HHAT: variants seen among roughly 807,000 people sequenced by gnomAD.
HHAT encodes the protein protein-cysteine N-palmitoyltransferase HHAT.
HHAT carries 47 observed loss-of-function variants against 70.8 expected under a neutral mutation model. The observed-to-expected ratio is 0.66, with a 90% CI of 0.53 to 0.85. HHAT has a LOEUF of 0.85. Among genes scored for constraint, HHAT ranks in the 40% least tolerant of loss-of-function variants. The pLI is 0.00. For missense variants in HHAT, 609 were observed against 604.8 expected (o/e 1.01, Z -0.07); for synonymous variants, 228 against 247.6 (o/e 0.92, Z 0.74).
chr1:210,466,266 A>C (rs982374450), intron 8 of HHAT, among the ~76,000 whole-genome samples: 1 of 152,280 alleles, frequency 6.6e-6, no homozygotes, highest in Admixed American at 6.5e-5. Context: ...AGGTAATGAC[A>C]TTGCAAGGAA....
intron 8 of HHAT, among the ~76,000 whole-genome samples, chr1:210,486,163 C>A (rs1374821757): frequency 1.3e-5 from 2 of 152,134 alleles, no homozygotes; most frequent in African/African-American, 4.8e-5. Flanking sequence ...TCTTTAATAA[C>A]TTCTTACTAC....
At chr1:210,501,837 A>G (rs1343010710) in intron 8 of HHAT, among the ~76,000 whole-genome samples, 1 of 152,174 alleles carries the variant, frequency 6.6e-6, no homozygotes, top group Non-Finnish European at 1.5e-5. Context: ...CACATCAAGA[A>G]CACTGCCTTG....
intron 8 of HHAT, among the ~76,000 whole-genome samples, chr1:210,474,436 G>A (rs2094267119): frequency 6.6e-6 from 1 of 152,176 alleles, no homozygotes; most frequent in Non-Finnish European, 1.5e-5. Context: ...GACTATAGAT[G>A]TGCACCACCA....
intron 8 of HHAT, among the ~76,000 whole-genome samples, chr1:210,505,949 G>T (rs1477125503): frequency 6.6e-6 from 1 of 152,172 alleles, no homozygotes; most frequent in Non-Finnish European, 1.5e-5. Context: ...TGGGAGGAAG[G>T]ACAGTACCCC....
At position 210,537,029 on chromosome 1, in the gene HHAT, T is replaced by TAAA. The variant is rs575562863; in HGVS notation, c.1043+23850_1043+23852dup. Among the ~76,000 whole-genome samples, 441 of 144,242 alleles carry TAAA rather than the reference T, an allele frequency of 3.1e-3. 1 individual carries two copies. The highest frequency in any genetic ancestry group is 0.011 in the African/African-American group (425 of 39,466). 94.6% of individuals were successfully genotyped at this position (144,242 alleles called of 152,430 possible). A position where few individuals can be genotyped will look rare whatever the true frequency, so the allele number is the denominator to read the frequency against. ...TTTGAACTGTACCTAAAAGAAGGTG[T>TAAA]AAAAAAAAAAAGGTGGCTATAGGGC... On this transcript the variant is annotated intron_variant, in intron 9 of 11. Coordinates refer to ENST00000261458, the MANE Select transcript of HHAT (RefSeq NM_018194.6).
chr1:210,629,595 T>G (rs1670467827), intron 11 of HHAT, among the ~76,000 whole-genome samples: 1 of 152,256 alleles, frequency 6.6e-6, no homozygotes, highest in Admixed American at 6.5e-5. Context: ...GAAATCAGTC[T>G]CACTGGGCTA....
intron 11 of HHAT, among the ~76,000 whole-genome samples, chr1:210,670,318 G>A (rs576655638): frequency 6.6e-6 from 1 of 152,342 alleles, no homozygotes; most frequent in Admixed American, 6.5e-5. Flanking sequence ...ACAAGAGAGA[G>A]TCAATGCCTA....
intron 8 of HHAT, among the ~76,000 whole-genome samples, chr1:210,493,465 T>A (rs369351936): frequency 2.5e-4 from 38 of 152,200 alleles, no homozygotes; most frequent in African/African-American, 8.9e-4. Context: ...CCACCCACAT[T>A]ATGGAGGGTA....
At chr1:210,546,934 A>T (rs1234188511) in intron 9 of HHAT, among the ~76,000 whole-genome samples, 1 of 152,180 alleles carries the variant, frequency 6.6e-6, no homozygotes, top group Admixed American at 6.5e-5. Flanking sequence ...GAAGTGACAG[A>T]TTGTGATGAA....
chr1:210,673,417 C>A (rs557702618), intron 11 of HHAT, among the ~76,000 whole-genome samples: 1 of 151,734 alleles, frequency 6.6e-6, no homozygotes, highest in Non-Finnish European at 1.5e-5. Context: ...ATGAATCACA[C>A]AATATTATTC....
chr1:210,435,152 G>A (rs896663508), intron 7 of HHAT, among the ~76,000 whole-genome samples: 2 of 151,614 alleles, frequency 1.3e-5, no homozygotes, highest in Non-Finnish European at 2.9e-5. Context: ...CCAGCCTCTG[G>A]TAAATCACCA....
At chr1:210,465,481 T>G (rs1344065853) in intron 8 of HHAT, among the ~76,000 whole-genome samples, 1 of 151,994 alleles carries the variant, frequency 6.6e-6, no homozygotes, top group East Asian at 1.9e-4. Flanking sequence ...ACCATAGGAG[T>G]CGGTGCCTTA....
At chr1:210,616,461 C>A (rs1252731814) in intron 10 of HHAT, among the ~76,000 whole-genome samples, 2 of 152,084 alleles carry the variant, frequency 1.3e-5, no homozygotes, top group Admixed American at 1.3e-4. Flanking sequence ...TTGTGGATCC[C>A]AGTTACTTTT....
At chr1:210,383,419 A>G (rs2090804627) in intron 3 of HHAT, among the ~76,000 whole-genome samples, 1 of 152,248 alleles carries the variant, frequency 6.6e-6, no homozygotes, top group Admixed American at 6.5e-5. Flanking sequence ...CATCCTGGAA[A>G]AAGTAAAATA....
intron 11 of HHAT, among the ~76,000 whole-genome samples, chr1:210,639,008 G>A (rs1330144684): frequency 2.0e-5 from 3 of 152,282 alleles, no homozygotes; most frequent in East Asian, 1.9e-4. Flanking sequence ...TTAAATTGGT[G>A]ATTTATGTGA....
chr1:210,361,788 T>C (rs2088346830), intron 2 of HHAT, among the ~76,000 whole-genome samples: 1 of 152,132 alleles, frequency 6.6e-6, no homozygotes, highest in South Asian at 2.1e-4. Flanking sequence ...GTCCCACCCT[T>C]ATACTGAGAA....
chr1:210,572,118 C>G (rs1211998369), intron 9 of HHAT, among the ~76,000 whole-genome samples: 1 of 152,166 alleles, frequency 6.6e-6, no homozygotes, highest in Non-Finnish European at 1.5e-5. Context: ...TATTGTCATT[C>G]ATGCCCAAGC....
At chr1:210,591,906 G>A (rs530108265) in intron 10 of HHAT, among the ~76,000 whole-genome samples, 1 of 152,132 alleles carries the variant, frequency 6.6e-6, no homozygotes, top group South Asian at 2.1e-4. Flanking sequence ...AGAGTTGTTT[G>A]AGCTCCTTAT....
intron 9 of HHAT, among the ~76,000 whole-genome samples, chr1:210,564,868 T>TG (rs1254935189): frequency 4.0e-5 from 6 of 151,664 alleles, no homozygotes; most frequent in East Asian, 3.9e-4. Flanking sequence ...AGAAATGGGA[T>TG]GGGGGGTCAC....
Sources: gnomAD v4.1 joint callset for allele counts (sites outside exome capture counted in the v4.1 genomes callset) on GRCh38, gnomAD v4.1.1 for gene constraint, MANE v1.5 for transcripts, NCBI Gene and HGNC (gene_info 2026-07-23, HGNC 2026-07-21) for gene names.